GALNTL6: variants seen among roughly 807,000 people sequenced by gnomAD.
GALNTL6 encodes the protein polypeptide N-acetylgalactosaminyltransferase like 6.
In GALNTL6, 46 loss-of-function variants were observed where a neutral mutation model predicts 73.7. That is an observed-to-expected ratio of 0.62 (90% CI 0.49 to 0.80). GALNTL6 has a LOEUF of 0.80. Ranked by LOEUF, GALNTL6 falls within the 30% of genes least tolerant of loss-of-function variation. The pLI is 0.00. For synonymous variants in GALNTL6, 259 were observed against 263.7 expected, an observed-to-expected ratio of 0.98 and a Z score of 0.17; for missense variants, 604 against 755.0, an observed-to-expected ratio of 0.80 and a Z score of 2.34.
chr4:172,302,977 G>A (rs1313068010), intron 3 of GALNTL6, among the ~76,000 whole-genome samples: 1 of 151,590 alleles, frequency 6.6e-6, no homozygotes, highest in Non-Finnish European at 1.5e-5. Flanking sequence ...AGACATTCTT[G>A]TGCTACATTT....
rs1162888576 is a variant in GALNTL6, at chr4:172,912,995, G to A, written c.1042-18166G>A. On this transcript the variant is annotated intron_variant, in intron 8 of 12. Transcript: ENST00000506823. ...GGGCCGACTGACACCTCATACAGCCGGGTAACCCTGTGAGACAAAGCTTCC... is the reference window on the plus strand; with the variant it reads ...GGGCCGACTGACACCTCATACAGCCAGGTAACCCTGTGAGACAAAGCTTCC... 9.2e-5 allele frequency among the ~76,000 whole-genome samples: 14 copies of A among 152,130 alleles called. No individual in the cohort carries two copies. The South Asian group carries it at 2.3e-3, about 25-fold the overall frequency.
At chr4:172,817,590 A>G (rs1741679520) in intron 7 of GALNTL6, among the ~76,000 whole-genome samples, 1 of 152,170 alleles carries the variant, frequency 6.6e-6, no homozygotes, top group South Asian at 2.1e-4. Context: ...TCCATCTTGA[A>G]TTCAGGGCAC....
At chr4:172,246,064 G>A (rs10005988) in intron 3 of GALNTL6, among the ~76,000 whole-genome samples, 4,138 of 152,198 alleles carry the variant, frequency 0.027, 163 homozygotes, top group African/African-American at 0.091. Flanking sequence ...ATGAATAATA[G>A]ACTTGCATTG....
chr4:172,124,476 G>T (rs1579161559), intron 2 of GALNTL6, among the ~76,000 whole-genome samples: 1 of 152,068 alleles, frequency 6.6e-6, no homozygotes, highest in African/African-American at 2.4e-5. Flanking sequence ...AGGTAACTGT[G>T]AAATAATAGT....
At chr4:173,014,935 G>T (rs1254608320) in intron 11 of GALNTL6, among the ~76,000 whole-genome samples, 1 of 152,188 alleles carries the variant, frequency 6.6e-6, no homozygotes. Flanking sequence ...TAATCCCCAT[G>T]TGTCATGGGA....
chr4:172,302,823 A>C (rs921384604), intron 3 of GALNTL6, among the ~76,000 whole-genome samples: 1 of 151,794 alleles, frequency 6.6e-6, no homozygotes, highest in African/African-American at 2.4e-5. Context: ...TTTTTTAAGA[A>C]GGAATCTATT....
intron 11 of GALNTL6, among the ~76,000 whole-genome samples, chr4:173,017,611 G>A (rs1444687511): frequency 2.0e-5 from 3 of 152,150 alleles, no homozygotes; most frequent in African/African-American, 4.8e-5. Flanking sequence ...CGTAGGTGTA[G>A]AAGAATAAAG....
intron 5 of GALNTL6, among the ~76,000 whole-genome samples, chr4:172,672,663 T>C (rs1191717597): frequency 6.9e-6 from 1 of 145,570 alleles, no homozygotes; most frequent in Non-Finnish European, 1.5e-5. Flanking sequence ...TGTTTTTTTT[T>C]GCATTGGTAG....
chr4:171,977,872 A>T (rs1012555461), intron 2 of GALNTL6, among the ~76,000 whole-genome samples: 6 of 152,206 alleles, frequency 3.9e-5, no homozygotes, highest in African/African-American at 1.4e-4. Flanking sequence ...TAAATCTATA[A>T]TCACAAGATA....
At chr4:172,900,265 T>G (rs1746552359) in intron 8 of GALNTL6, among the ~76,000 whole-genome samples, 2 of 152,210 alleles carry the variant, frequency 1.3e-5, no homozygotes. Flanking sequence ...TATAAAATTT[T>G]AAAGATTATT....
intron 10 of GALNTL6, among the ~76,000 whole-genome samples, chr4:172,962,950 A>C (rs2653832): frequency 0.43 from 64,859 of 151,810 alleles, 14,057 homozygotes; most frequent in East Asian, 0.48. Flanking sequence ...CACTTAAAAC[A>C]AACTGGAGAC....
At chr4:172,942,362 G>A (rs1748956908) in intron 9 of GALNTL6, among the ~76,000 whole-genome samples, 1 of 152,212 alleles carries the variant, frequency 6.6e-6, no homozygotes, top group Admixed American at 6.5e-5. Flanking sequence ...CAGTTTGTTT[G>A]AATGCTTGCT....
At chr4:172,374,379 C>A (rs1742946074) in intron 5 of GALNTL6, among the ~76,000 whole-genome samples, 1 of 151,932 alleles carries the variant, frequency 6.6e-6, no homozygotes, top group Non-Finnish European at 1.5e-5. Flanking sequence ...GGGCCCAGGG[C>A]TTGCTTTTGG....
chr4:171,867,541 A>G (rs1323353733), intron 2 of GALNTL6, among the ~76,000 whole-genome samples: 2 of 152,112 alleles, frequency 1.3e-5, no homozygotes, highest in Non-Finnish European at 2.9e-5. Context: ...CATCCCCGAC[A>G]CCTCAATTCT....
chr4:172,627,209 G>A (rs1739202770), intron 5 of GALNTL6, among the ~76,000 whole-genome samples: 1 of 152,108 alleles, frequency 6.6e-6, no homozygotes, highest in Non-Finnish European at 1.5e-5. Context: ...ATGAAGGGAT[G>A]TTGAATTTCA....
intron 3 of GALNTL6, among the ~76,000 whole-genome samples, chr4:172,231,494 G>T (rs185049443): frequency 4.7e-4 from 71 of 152,176 alleles, no homozygotes; most frequent in African/African-American, 1.6e-3. Context: ...TTAAGAACCA[G>T]GTCTTATCAT....
chr4:173,014,363 C>G (rs951099910), intron 11 of GALNTL6, among the ~76,000 whole-genome samples: 1 of 152,078 alleles, frequency 6.6e-6, no homozygotes, highest in Admixed American at 6.5e-5. Flanking sequence ...AGAGGAGTGG[C>G]GGGGAGGAAC....
intron 2 of GALNTL6, among the ~76,000 whole-genome samples, chr4:172,012,957 C>T (rs1015846437): frequency 2.0e-5 from 3 of 152,028 alleles, no homozygotes; most frequent in Non-Finnish European, 4.4e-5. Context: ...TTGTCACTCT[C>T]CTCACTCCAG....
intron 5 of GALNTL6, among the ~76,000 whole-genome samples, chr4:172,783,478 T>G (rs530364095): frequency 4.1e-5 from 6 of 147,490 alleles, no homozygotes; most frequent in Admixed American, 2.7e-4. Context: ...TTATACACTA[T>G]TAATAATATT....
Sources: allele counts gnomAD v4.1 joint callset (sites outside exome capture counted in the v4.1 genomes callset), GRCh38; gene constraint gnomAD v4.1.1; transcripts MANE v1.5; gene names NCBI Gene and HGNC (gene_info 2026-07-23, HGNC 2026-07-21).